ACSM1: variants seen among roughly 807,000 people sequenced by gnomAD.
ACSM1 encodes acyl-CoA synthetase medium chain family member 1.
ACSM1 carries 79 observed loss-of-function variants against 75.8 expected under a neutral mutation model. The ratio of observed to expected loss-of-function variants is 1.04; its 90% CI spans 0.87 to 1.26. ACSM1 has a LOEUF of 1.26. Among genes scored for constraint, ACSM1 ranks in the 50% most tolerant of loss-of-function variants. The probability of loss-of-function intolerance (pLI) is 0.00; values close to 1 mark genes in which losing one functional copy is unlikely to be tolerated. For missense variants in ACSM1, 676 were observed against 720.1 expected (o/e 0.94, Z 0.70); for synonymous variants, 279 against 265.8 (o/e 1.05, Z -0.48).
At chr16:20,677,224 A>C (rs1027520308) in intron 4 of ACSM1, among the ~76,000 whole-genome samples, 1 of 136,716 alleles carries the variant, frequency 7.3e-6, no homozygotes, top group Non-Finnish European at 1.6e-5. Context: ...TTTTAAAGAA[A>C]TTAAAAAAAA....
At chr16:20,634,785 T>C (rs151329) in intron 10 of ACSM1, among the ~76,000 whole-genome samples, 44,573 of 152,074 alleles carry the variant, frequency 0.29, 7,985 homozygotes, top group African/African-American at 0.5. Flanking sequence ...CTGTACAACA[T>C]TGTTACTTTA....
chr16:20,646,732 G>A (rs1317010512), intron 7 of ACSM1, among the ~76,000 whole-genome samples: 1 of 152,190 alleles, frequency 6.6e-6, no homozygotes, highest in Admixed American at 6.5e-5. Context: ...GAAGGAAAAA[G>A]GGTAAATATA....
At position 20,691,213 on chromosome 16, in the gene ACSM1, G is replaced by A. The variant is rs1329667842; in HGVS notation, c.-25C>T. 2 of 1,530,806 alleles carry A rather than the reference G, an allele frequency of 1.3e-6. No homozygotes were observed. Among genetic ancestry groups the A allele is most frequent in the South Asian group, 1.3e-5 (1 of 77,784 alleles). The allele number at this position is 1,530,806 out of a possible 1,614,324, so 94.8% of individuals were successfully genotyped here. A position where few individuals can be genotyped will look rare whatever the true frequency, so the allele number is the denominator to read the frequency against. On this transcript the variant is annotated 5_prime_UTR_variant, in exon 2 of 14. Transcript: ENST00000520010. ...TGGTGAAACAGTCCTCAGAAACCAG[G>A]CACAGAGTTCTCAAGTCACCACCTG...
chr16:20,640,718 G>A (rs1055507882), intron 7 of ACSM1, 134 bp from the exon 8 acceptor site: 33 of 1,439,154 alleles, frequency 2.3e-5, no homozygotes, highest in Non-Finnish European at 3.1e-5. Context: ...TCATTTTACA[G>A]TTGGCCATGG....
chr16:20,640,733 G>A, intron 7 of ACSM1, 149 bp from the exon 8 acceptor site: 9 of 1,343,468 alleles, frequency 6.7e-6, no homozygotes, highest in Non-Finnish European at 9.0e-6. Context: ...CCATGGCCAA[G>A]TGGATGTCAC....
intron 2 of ACSM1, among the ~76,000 whole-genome samples, chr16:20,689,057 A>C (rs1344392468): frequency 6.7e-6 from 1 of 150,090 alleles, no homozygotes; most frequent in Non-Finnish European, 1.5e-5. Context: ...AATGTTAATT[A>C]AGCAATATAC....
Position 20,624,205 on chromosome 16 carries a change from G to C in ACSM1, c.1538C>G (p.Ala513Gly), listed in dbSNP as rs1375558668. 1 of 1,609,764 alleles carries C rather than the reference G, an allele frequency of 6.2e-7. No homozygotes were observed. The highest frequency in any genetic ancestry group is 1.7e-5 in the Admixed American group (1 of 59,758). Reference sequence around the variant, plus strand: ...GAACTGTGGGGTCAGGACAATAAAGGCCTTCACCACCTGCAGAATGAAGTC... The same window carrying C: ...GAACTGTGGGGTCAGGACAATAAAGCCCTTCACCACCTGCAGAATGAAGTC... ...PDPIRGEVVK[A>G]FIVLTPQFLS... The change falls in exon 13 of 14, where the codon GCC (alanine) becomes GGC (glycine). Residue 513 changes from alanine (A) to glycine (G), a missense_variant. Transcript: ENST00000520010.
intron 6 of ACSM1, among the ~76,000 whole-genome samples, chr16:20,667,198 C>A (rs1303645518): frequency 6.6e-6 from 1 of 152,118 alleles, no homozygotes; most frequent in African/African-American, 2.4e-5. Flanking sequence ...ATGCATCTGA[C>A]AACATCCAGA....
At chr16:20,632,378 G>GA (rs1163660878) in intron 10 of ACSM1, among the ~76,000 whole-genome samples, 1 of 152,098 alleles carries the variant, frequency 6.6e-6, no homozygotes, top group Non-Finnish European at 1.5e-5. Flanking sequence ...TTACAGAAAT[G>GA]AAAAGAATTA....
intron 6 of ACSM1, among the ~76,000 whole-genome samples, chr16:20,668,828 A>C (rs1429778296): frequency 6.6e-6 from 1 of 152,232 alleles, no homozygotes; most frequent in Middle Eastern, 3.2e-3. Context: ...GGGTTGACCC[A>C]GTGTGTAGCA....
chr16:20,624,069 A>T (rs1325683647), intron 13 of ACSM1, 27 bp downstream of exon 13: 1 of 1,608,764 alleles, frequency 6.2e-7, no homozygotes, highest in Non-Finnish European at 8.5e-7. Context: ...CAGGGCCACC[A>T]GATCCCTTCC....
intron 7 of ACSM1, among the ~76,000 whole-genome samples, chr16:20,645,127 G>A (rs978334145): frequency 6.6e-6 from 1 of 152,174 alleles, no homozygotes; most frequent in East Asian, 1.9e-4. Flanking sequence ...TGGGTAAGCT[G>A]GTAAAGGACC....
rs568188186 is a variant in ACSM1 at position 20,682,403 on chromosome 16, T to C, written c.464A>G (p.Gln155Arg). ...LKAKDILYRL[Q>R]LSKAKGIVTI... ...CACAATGCCCTTGGCTTTAGACAACTGTAGTCGATAGAGAATGTCTTTGGC... is the reference window on the plus strand; with the variant it reads ...CACAATGCCCTTGGCTTTAGACAACCGTAGTCGATAGAGAATGTCTTTGGC... Residue 155 changes from glutamine to arginine, a missense_variant, in exon 4 of 14, where the codon CAG becomes CGG. Coordinates refer to ENST00000520010, the MANE Select transcript of ACSM1 (RefSeq NM_001318890.3). 3.7e-6 allele frequency: 6 copies of C among 1,613,966 alleles called. No individual in the cohort carries two copies. The highest frequency in any genetic ancestry group is 1.7e-5 in the Admixed American group (1 of 60,010).
chr16:20,659,604 C>T (rs974795621), intron 7 of ACSM1, among the ~76,000 whole-genome samples: 21 of 152,136 alleles, frequency 1.4e-4, no homozygotes, highest in African/African-American at 4.6e-4. Flanking sequence ...CATGTTTCTC[C>T]GCCATATCTT....
At chr16:20,684,039 G>C (rs1460823949) in intron 3 of ACSM1, among the ~76,000 whole-genome samples, 1 of 152,164 alleles carries the variant, frequency 6.6e-6, no homozygotes, top group Non-Finnish European at 1.5e-5. Context: ...ATATGATCAA[G>C]AGTATGGCAG....
intron 1 of ACSM1, 96 bp from the exon 2 acceptor site, chr16:20,691,335 G>A (rs2079649978): frequency 3.2e-6 from 2 of 617,072 alleles, no homozygotes; most frequent in Non-Finnish European, 2.7e-6. Flanking sequence ...TTATAGCTTT[G>A]TTTCAGGTCA....
intron 7 of ACSM1, among the ~76,000 whole-genome samples, chr16:20,656,174 A>C (rs1490684219): frequency 6.6e-6 from 1 of 152,126 alleles, no homozygotes; most frequent in African/African-American, 2.4e-5. Flanking sequence ...GTAACTTTTG[A>C]GCATGTCTTT....
intron 9 of ACSM1, 196 bp from the exon 10 acceptor site, chr16:20,637,036 A>T: frequency 2.8e-6 from 2 of 720,928 alleles, no homozygotes. Context: ...ATGTTTCATG[A>T]GTTAGTAGAT....
intron 4 of ACSM1, among the ~76,000 whole-genome samples, chr16:20,675,197 A>G (rs889746183): frequency 6.6e-6 from 1 of 152,166 alleles, no homozygotes; most frequent in African/African-American, 2.4e-5. Context: ...GAATCTAACT[A>G]GGCTCACCCG....
Sources: allele counts gnomAD v4.1 joint callset (sites outside exome capture counted in the v4.1 genomes callset), GRCh38; gene constraint gnomAD v4.1.1; transcripts MANE v1.5; gene names NCBI Gene and HGNC (gene_info 2026-07-23, HGNC 2026-07-21).